Variants in EPB41L4B observed in about 807,000 individuals in gnomAD.
EPB41L4B encodes band 4.1-like protein 4B.
In EPB41L4B, 30 loss-of-function variants were observed where a neutral mutation model predicts 112.5. The observed-to-expected ratio is 0.27, with a 90% confidence interval of 0.20 to 0.36. The LOEUF (loss-of-function observed/expected upper bound fraction) is 0.36, where lower values mean the gene tolerates loss of function less well. EPB41L4B is among the 10% of genes least tolerant of loss of function. The probability of loss-of-function intolerance (pLI) is 1.00; values close to 1 mark genes in which losing one functional copy is unlikely to be tolerated. For missense variants in EPB41L4B, 1,024 were observed against 1,133.3 expected, an observed-to-expected ratio of 0.90 and a Z score of 1.38; for synonymous variants, 408 against 439.7, an observed-to-expected ratio of 0.93 and a Z score of 0.90.
intron 15 of EPB41L4B, among the ~76,000 whole-genome samples, chr9:109,233,083 A>C (rs1288713026): frequency 6.6e-6 from 1 of 152,206 alleles, no homozygotes; most frequent in Non-Finnish European, 1.5e-5. Flanking sequence ...TTCACCATTC[A>C]GTAGGGGACG....
intron 21 of EPB41L4B, 98 bp downstream of exon 21, chr9:109,194,122 T>C (rs1259189894): frequency 1.5e-5 from 21 of 1,369,132 alleles, no homozygotes; most frequent in African/African-American, 2.9e-5. Flanking sequence ...CAATTGATTA[T>C]GCAAAATTTA....
chr9:109,240,113 T>C (rs1015558296), intron 15 of EPB41L4B: 3 of 985,122 alleles, frequency 3.0e-6, no homozygotes, highest in Non-Finnish European at 2.4e-6. Flanking sequence ...GACTTCTGCA[T>C]AGCAACAAGA....
chr9:109,290,710 C>CATATATATATATATATATATATAT (rs138734040), intron 1 of EPB41L4B, among the ~76,000 whole-genome samples: 1 of 145,900 alleles, frequency 6.9e-6, no homozygotes, highest in African/African-American at 2.6e-5. Flanking sequence ...GGAAACTAGC[C>CATATATATATATATATATATATAT]ATATATATAT....
chr9:109,220,279 C>T (rs1320378845), intron 15 of EPB41L4B, among the ~76,000 whole-genome samples: 4 of 152,094 alleles, frequency 2.6e-5, no homozygotes, highest in Non-Finnish European at 5.9e-5. Context: ...GTTGAAAGAG[C>T]AGGATGTCTG....
chr9:109,305,467 A>T (rs945767851), intron 1 of EPB41L4B, among the ~76,000 whole-genome samples: 3 of 151,796 alleles, frequency 2.0e-5, no homozygotes, highest in Non-Finnish European at 4.4e-5. Context: ...AAAAATACAA[A>T]ATTAGCTGGG....
At chr9:109,214,067 T>G (rs1358401248) in intron 16 of EPB41L4B, among the ~76,000 whole-genome samples, 2 of 152,174 alleles carry the variant, frequency 1.3e-5, no homozygotes, top group East Asian at 3.9e-4. Flanking sequence ...TCTCTGACCC[T>G]CTGAGCCATT....
At chr9:109,241,374 G>A (rs1564287991) in intron 15 of EPB41L4B, 1 of 1,142,036 alleles carries the variant, frequency 8.8e-7, no homozygotes, top group Non-Finnish European at 1.1e-6. Flanking sequence ...AAGAACATCA[G>A]GAACATAGTA....
chr9:109,200,242 T>C lies in EPB41L4B; in HGVS notation c.2039A>G (p.Tyr680Cys), dbSNP rs1588131014. The C allele has an allele frequency of 1.2e-6, 2 of 1,613,788 alleles. No individual in the cohort carries two copies. The highest frequency in any genetic ancestry group is 1.7e-5 in the Admixed American group (1 of 59,988). ...PPRVRKLTRQ[Y>C]SFDEDDLPPD... Reference sequence around the variant, plus strand: ...GTTGCAGTACAGAACTCACAAACTATACTGTCTTGTTAACTTCCTCACTCG... The same window carrying C: ...GTTGCAGTACAGAACTCACAAACTACACTGTCTTGTTAACTTCCTCACTCG... Residue 680 changes from tyrosine to cysteine, a missense_variant, in exon 20 of 26, where the codon TAT becomes TGT. Tyr to Cys is a radical substitution (Grantham distance 194). Transcript: ENST00000374566.
chr9:109,255,579 C>G lies in EPB41L4B; in HGVS notation c.1101G>C (p.Leu367=), dbSNP rs1301802301. ...TGGATTTGCTGTTTCCTGGCGTCCG[C>G]AGTCGGAAGAATGCGTGGTGCTCAA... ...CAVEHHAFFR[L]RTPGNSKSNR... Residue 367 remains leucine, a synonymous_variant, in exon 11 of 26, where the codon CTG becomes CTC. Coordinates refer to ENST00000374566, the MANE Select transcript of EPB41L4B (RefSeq NM_019114.5). 3.1e-6 allele frequency: 5 copies of G among 1,614,096 alleles called. No homozygotes were observed. In the African/African-American group the frequency reaches 5.3e-5, roughly 17 times the overall value.
intron 20 of EPB41L4B, among the ~76,000 whole-genome samples, chr9:109,197,120 A>C (rs1252040863): frequency 6.6e-6 from 1 of 152,206 alleles, no homozygotes; most frequent in East Asian, 1.9e-4. Flanking sequence ...TCAATATCAA[A>C]GAGTTAAAGA....
chr9:109,249,956 A>G (rs1051782264), intron 13 of EPB41L4B, among the ~76,000 whole-genome samples: 2 of 152,158 alleles, frequency 1.3e-5, no homozygotes, highest in African/African-American at 4.8e-5. Flanking sequence ...GCTGTGTAAT[A>G]TGAGGGACCA....
chr9:109,263,963 T>C (rs1433376668), intron 5 of EPB41L4B, among the ~76,000 whole-genome samples: 2 of 152,124 alleles, frequency 1.3e-5, no homozygotes, highest in African/African-American at 2.4e-5. Flanking sequence ...TTGCCATTAA[T>C]ATTTTTCCAA....
rs745343100 is a variant in EPB41L4B at position 109,256,381 on chromosome 9, C to T, written c.840+12G>A. On this transcript the variant is annotated intron_variant, in intron 8 of 25. Transcript: ENST00000374566. ...AGCAAAACCAAATTACTTAAACGCA[C>T]ACAGTTCTTACCCTGACAACGTGCA... 2.5e-6 allele frequency: 4 copies of T among 1,613,048 alleles called. No individual in the cohort carries two copies. The highest frequency in any genetic ancestry group is 3.4e-6 in the Non-Finnish European group (4 of 1,179,574).
At chr9:109,282,966 G>A (rs1342159419) in intron 1 of EPB41L4B, among the ~76,000 whole-genome samples, 1 of 152,128 alleles carries the variant, frequency 6.6e-6, no homozygotes, top group African/African-American at 2.4e-5. Context: ...ACAGGCGTGA[G>A]CCACCGCGCC....
chr9:109,193,028 T>C (rs1336618177), intron 21 of EPB41L4B, among the ~76,000 whole-genome samples: 2 of 152,208 alleles, frequency 1.3e-5, no homozygotes, highest in African/African-American at 2.4e-5. Context: ...AGCCTGGTTT[T>C]AACCACAGTG....
intron 15 of EPB41L4B, among the ~76,000 whole-genome samples, chr9:109,226,735 TGAA>T (rs1253479611): frequency 3.4e-4 from 40 of 118,144 alleles, no homozygotes; most frequent in Admixed American, 2.2e-3. Flanking sequence ...AGTATATATA[TGAA>T]GAATATATAT....
chr9:109,182,894 C>A, intron 23 of EPB41L4B, 97 bp from the exon 24 acceptor site: 2 of 839,650 alleles, frequency 2.4e-6, no homozygotes, highest in South Asian at 1.4e-5. Context: ...CCAAAGGATT[C>A]AGGGGTGCCC....
rs1315443188 is a variant in EPB41L4B, at chr9:109,234,437, G to A, written c.1409+9181C>T. On this transcript the variant is annotated intron_variant, in intron 15 of 25. Transcript: ENST00000374566. ...TATATGCTCATTTATACATGGAGTA[G>A]CTCTAGATTGACAAGGAAAAATGCT... 2.0e-5 allele frequency among the ~76,000 whole-genome samples: 3 copies of A among 152,324 alleles called. No homozygotes were observed. In the East Asian group the frequency reaches 5.8e-4, roughly 29 times the overall value.
chr9:109,304,416 C>T (rs1333776245), intron 1 of EPB41L4B, among the ~76,000 whole-genome samples: 1 of 152,182 alleles, frequency 6.6e-6, no homozygotes, highest in Non-Finnish European at 1.5e-5. Context: ...ACAATCAACC[C>T]CAGGAATTCT....
Sources: gnomAD v4.1 joint callset for allele counts (sites outside exome capture counted in the v4.1 genomes callset) on GRCh38, gnomAD v4.1.1 for gene constraint, MANE v1.5 for transcripts, NCBI Gene and HGNC (gene_info 2026-07-23, HGNC 2026-07-21) for gene names.